The following MAPKAP1 variants were observed in gnomAD, a reference collection of about 807,000 sequenced individuals.
The protein encoded by MAPKAP1 is target of rapamycin complex 2 subunit MAPKAP1.
A neutral mutation model predicts 65.7 loss-of-function variants in MAPKAP1; 20 were observed. The observed-to-expected ratio is 0.30, with a 90% CI of 0.21 to 0.44. The LOEUF is 0.44. Ranked by LOEUF, MAPKAP1 falls within the 20% of genes least tolerant of loss-of-function variation. The probability of loss-of-function intolerance (pLI) is 1.00; values close to 1 mark genes in which losing one functional copy is unlikely to be tolerated. For synonymous variants in MAPKAP1, 222 were observed against 244.3 expected, an observed-to-expected ratio of 0.91 and a Z score of 0.85; for missense variants, 423 against 648.0, an observed-to-expected ratio of 0.65 and a Z score of 3.77.
At chr9:125,618,489 A>G (rs1007672141) in intron 4 of MAPKAP1, among the ~76,000 whole-genome samples, 7 of 152,096 alleles carry the variant, frequency 4.6e-5, no homozygotes, top group African/African-American at 1.4e-4. Flanking sequence ...TCAAGTTCTA[A>G]CTTCAGTTGC....
intron 1 of MAPKAP1, among the ~76,000 whole-genome samples, chr9:125,695,509 C>T (rs1835356479): frequency 6.6e-6 from 1 of 152,114 alleles, no homozygotes; most frequent in Non-Finnish European, 1.5e-5. Context: ...TGATAATATA[C>T]AGAATGCTTT....
chr9:125,606,857 T>C (rs912657417), intron 4 of MAPKAP1, among the ~76,000 whole-genome samples: 18 of 152,156 alleles, frequency 1.2e-4, no homozygotes, highest in African/African-American at 4.1e-4. Context: ...CTGACTTTCA[T>C]GGAGCTAGGG....
Position 125,438,341 on chromosome 9 carries a change from A to C in MAPKAP1, c.*546T>G, listed in dbSNP as rs988276083. 7.5e-6 allele frequency: 3 copies of C among 399,086 alleles called. No individual in the cohort carries two copies. The South Asian group carries it at 3.8e-4, about 51-fold the overall frequency. 24.7% of individuals were successfully genotyped at this position (399,086 alleles called of 1,614,324 possible). On this transcript the variant is annotated 3_prime_UTR_variant, in exon 12 of 12. Coordinates refer to ENST00000265960, the MANE Select transcript of MAPKAP1 (RefSeq NM_001006617.3). ...GGCATAGTTAAAACTATTGACTAAG[A>C]CCTAAACATTTCTTCTGAGAAATCG...
rs573470822 is a variant in MAPKAP1, at chr9:125,595,824, G to T, written c.499-10097C>A. ...GTAATGAAAGATTCCAACACCAAGC[G>T]TTCCGGGGGTTTTGGGTTTGTCACC... On this transcript the variant is annotated intron_variant, in intron 4 of 11. Transcript: ENST00000265960. This position sits in a 1 kb window ranked among gnomAD's most constrained non-coding sequence, Gnocchi z 4.0. 2 of 1,126,218 alleles carry T rather than the reference G, an allele frequency of 1.8e-6. No homozygotes were observed. The highest frequency in any genetic ancestry group is 2.7e-6 in the Non-Finnish European group (2 of 751,472). 69.8% of individuals were successfully genotyped at this position (1,126,218 alleles called of 1,614,324 possible). A position where few individuals can be genotyped will look rare whatever the true frequency, so the allele number is the denominator to read the frequency against.
chr9:125,667,210 G>A (rs866233171), intron 3 of MAPKAP1, among the ~76,000 whole-genome samples: 1 of 152,090 alleles, frequency 6.6e-6, no homozygotes, highest in African/African-American at 2.4e-5. Flanking sequence ...AAAATAAGTG[G>A]GGGAGCAAAT....
At chr9:125,441,590 TTCC>T (rs1852486507) in intron 11 of MAPKAP1, among the ~76,000 whole-genome samples, 1 of 152,202 alleles carries the variant, frequency 6.6e-6, no homozygotes, top group Non-Finnish European at 1.5e-5. Context: ...TGGCTCTTAT[TTCC>T]TCCCTTCAAT....
rs561302143 is a variant in MAPKAP1 at position 125,585,840 on chromosome 9, A to G, written c.499-113T>C. ...TTTTTCATCCTTGCTCTACAGACCT[A>G]CTGTGACCATGGAATGGTCCCAAAG... On this transcript the variant is annotated intron_variant, in intron 4 of 11. Transcript: ENST00000265960. The G allele has an allele frequency of 5.2e-5, 52 of 991,976 alleles. 2 individuals are homozygous for G. The South Asian group carries it at 7.0e-4, about 13-fold the overall frequency. The allele number at this position is 991,976 out of a possible 1,614,324, so 61.4% of individuals were successfully genotyped here. A position where few individuals can be genotyped will look rare whatever the true frequency, so the allele number is the denominator to read the frequency against.
At chr9:125,448,294 A>G (rs1852798554) in intron 10 of MAPKAP1, among the ~76,000 whole-genome samples, 1 of 152,230 alleles carries the variant, frequency 6.6e-6, no homozygotes, top group Non-Finnish European at 1.5e-5. Context: ...TCACACTTTC[A>G]TAATTTCACC....
intron 4 of MAPKAP1, among the ~76,000 whole-genome samples, chr9:125,588,255 C>T (rs1421890713): frequency 6.6e-6 from 1 of 152,114 alleles, no homozygotes; most frequent in Non-Finnish European, 1.5e-5. Flanking sequence ...ATACACACAG[C>T]ATGGGTGTAC....
intron 1 of MAPKAP1, among the ~76,000 whole-genome samples, chr9:125,692,122 A>G (rs1320982508): frequency 6.6e-6 from 1 of 152,226 alleles, no homozygotes; most frequent in Admixed American, 6.5e-5. Context: ...TCAAAATGTT[A>G]AACAGAGCGT....
Position 125,693,711 on chromosome 9 carries a change from A to G in MAPKAP1, c.-70+13260T>C, listed in dbSNP as rs779852138. ...CGTATATATACACGTATATATACAC[A>G]TATATACACGTATATACACATATAT... is the stretch of plus-strand genomic sequence containing the variant. On this transcript the variant is annotated intron_variant, in intron 1 of 11. Coordinates refer to ENST00000265960, the MANE Select transcript of MAPKAP1 (RefSeq NM_001006617.3). Among the ~76,000 whole-genome samples the G allele has an allele frequency of 4.3e-3, 197 of 45,962 alleles. 10 individuals carry two copies. Among genetic ancestry groups the G allele is most frequent in the Middle Eastern group, 0.014 (1 of 70 alleles). The allele number at this position is 45,962 out of a possible 152,430, so 30.2% of individuals were successfully genotyped here. A position where few individuals can be genotyped will look rare whatever the true frequency, so the allele number is the denominator to read the frequency against.
chr9:125,571,724 A>G (rs953289103), intron 5 of MAPKAP1, among the ~76,000 whole-genome samples: 1 of 152,014 alleles, frequency 6.6e-6, no homozygotes, highest in Admixed American at 6.6e-5. Flanking sequence ...TTTGCCAGGT[A>G]TGGTGGTACA....
intron 1 of MAPKAP1, among the ~76,000 whole-genome samples, chr9:125,698,288 A>ATATATATAT (rs1554845629): frequency 4.1e-5 from 2 of 49,070 alleles, no homozygotes; most frequent in African/African-American, 2.2e-4. Flanking sequence ...AATATATATA[A>ATATATATAT]ATATATATAT....
At chr9:125,521,294 A>T (rs554855743) in intron 7 of MAPKAP1, among the ~76,000 whole-genome samples, 86 of 110,150 alleles carry the variant, frequency 7.8e-4, no homozygotes, top group Non-Finnish European at 1.4e-3. Flanking sequence ...AAAAAAGGAA[A>T]TTTTTTTTTC....
intron 5 of MAPKAP1, among the ~76,000 whole-genome samples, chr9:125,581,053 T>C (rs1345697040): frequency 6.6e-6 from 1 of 152,282 alleles, no homozygotes. Flanking sequence ...TCCTCTTCTC[T>C]TGATAGTAGT....
chr9:125,476,360 C>G (rs1260497395), intron 9 of MAPKAP1, among the ~76,000 whole-genome samples: 1 of 152,128 alleles, frequency 6.6e-6, no homozygotes, highest in Admixed American at 6.6e-5. Flanking sequence ...CTTCAAATTA[C>G]TGAACGGACC....
intron 7 of MAPKAP1, among the ~76,000 whole-genome samples, chr9:125,516,956 T>C (rs1057378566): frequency 6.6e-6 from 1 of 152,240 alleles, no homozygotes; most frequent in Admixed American, 6.5e-5. Flanking sequence ...TGGAGGACTT[T>C]CCTGGCCCTT....
chr9:125,560,934 A>G (rs952796192), intron 5 of MAPKAP1, among the ~76,000 whole-genome samples: 1 of 152,218 alleles, frequency 6.6e-6, no homozygotes, highest in African/African-American at 2.4e-5. Context: ...AAACTATACC[A>G]ACATACAGAC....
chr9:125,518,371 T>TATTACATCTGTAATCCCAC (rs200369799), intron 7 of MAPKAP1, among the ~76,000 whole-genome samples: 11 of 148,880 alleles, frequency 7.4e-5, no homozygotes, highest in Admixed American at 2.0e-4. Context: ...TGTAATCCCA[T>TATTACATCTGTAATCCCAC]ATTACATCTG....
Sources: allele counts gnomAD v4.1 joint callset (sites outside exome capture counted in the v4.1 genomes callset), GRCh38; gene constraint gnomAD v4.1.1; non-coding constraint Gnocchi (gnomAD v3.1); transcripts MANE v1.5; gene names NCBI Gene and HGNC (gene_info 2026-07-23, HGNC 2026-07-21).